The following C16orf74 variants were observed in gnomAD, a reference collection of about 807,000 sequenced individuals.
The protein encoded by C16orf74 is uncharacterized protein C16orf74.
Under a neutral mutation model 6.5 loss-of-function variants are expected in C16orf74, and 10 were observed. The observed-to-expected ratio is 1.54, with a 90% CI of 0.95 to 2.61. The LOEUF (loss-of-function observed/expected upper bound fraction) is 2.61, where lower values mean the gene tolerates loss of function less well. Among genes scored for constraint, C16orf74 ranks in the 30% most tolerant of loss-of-function variants. The pLI, the probability that C16orf74 is intolerant of heterozygous loss-of-function variation, is 0.00. For missense variants in C16orf74, 141 were observed against 105.9 expected, an observed-to-expected ratio of 1.33 and a Z score of -1.45; for synonymous variants, 60 against 42.5, an observed-to-expected ratio of 1.41 and a Z score of -1.60.
intron 2 of C16orf74, among the ~76,000 whole-genome samples, chr16:85,724,366 G>A (rs1334285549): frequency 6.6e-6 from 1 of 152,190 alleles, no homozygotes; most frequent in Non-Finnish European, 1.5e-5. Flanking sequence ...AAACTGCAGG[G>A]AACGAGGGGG....
At chr16:85,737,077 A>G (rs573763317) in intron 1 of C16orf74, among the ~76,000 whole-genome samples, 2 of 152,270 alleles carry the variant, frequency 1.3e-5, no homozygotes, top group East Asian at 3.9e-4. Flanking sequence ...GGTGAGGCAC[A>G]TAACAGTCTC....
chr16:85,715,532 T>C (rs1314854337), intron 2 of C16orf74, among the ~76,000 whole-genome samples: 3 of 152,076 alleles, frequency 2.0e-5, no homozygotes, highest in Non-Finnish European at 4.4e-5. Flanking sequence ...GCTGGCAAAC[T>C]TTCTGCAAGG....
intron 1 of C16orf74, among the ~76,000 whole-genome samples, chr16:85,750,484 C>G (rs1034797938): frequency 6.6e-6 from 1 of 152,212 alleles, no homozygotes; most frequent in Non-Finnish European, 1.5e-5. Flanking sequence ...TGAGGCAGTT[C>G]ATAAATAATA....
chr16:85,716,707 A>G, intron 2 of C16orf74, among the ~76,000 whole-genome samples: 1 of 139,322 alleles, frequency 7.2e-6, no homozygotes, highest in Non-Finnish European at 1.5e-5. Context: ...GGAGGAAGGG[A>G]GGGAGAGGGG....
At chr16:85,708,338 C>G (rs11864007) in intron 3 of C16orf74, among the ~76,000 whole-genome samples, 4,688 of 152,268 alleles carry the variant, frequency 0.031, 252 homozygotes, top group African/African-American at 0.11. Flanking sequence ...CCTATGCCCC[C>G]ACTGGTCCTG....
intron 1 of C16orf74, among the ~76,000 whole-genome samples, chr16:85,738,092 A>C (rs902722819): frequency 6.6e-6 from 1 of 151,790 alleles, no homozygotes; most frequent in Non-Finnish European, 1.5e-5. Flanking sequence ...ACATTTTTAA[A>C]AAATTAGTCA....
intron 2 of C16orf74, among the ~76,000 whole-genome samples, chr16:85,719,790 GCC>G (rs2054061547): frequency 1.3e-5 from 2 of 150,858 alleles, no homozygotes. Flanking sequence ...GAACAGAGGG[GCC>G]ACAGGCCACA....
At chr16:85,724,128 G>A (rs2054109740) in intron 2 of C16orf74, among the ~76,000 whole-genome samples, 2 of 152,136 alleles carry the variant, frequency 1.3e-5, no homozygotes, top group Non-Finnish European at 2.9e-5. Flanking sequence ...CTGGTCTCAA[G>A]CAATCCTCCT....
intron 2 of C16orf74, among the ~76,000 whole-genome samples, chr16:85,722,027 G>A (rs1038595348): frequency 2.0e-5 from 2 of 97,886 alleles, no homozygotes; most frequent in South Asian, 3.6e-4. Flanking sequence ...GTCTTGCTAT[G>A]TTGCCAGGTG....
intron 2 of C16orf74, among the ~76,000 whole-genome samples, chr16:85,725,346 G>A (rs1255011415): frequency 6.6e-6 from 1 of 152,178 alleles, no homozygotes; most frequent in African/African-American, 2.4e-5. Flanking sequence ...TTGTTAACTT[G>A]GGCAGCCAGT....
intron 2 of C16orf74, among the ~76,000 whole-genome samples, chr16:85,716,005 G>A (rs571166663): frequency 2.1e-5 from 3 of 143,884 alleles, no homozygotes; most frequent in Admixed American, 2.0e-4. Context: ...AAAAGGAATC[G>A]CTGATGATCG....
At chr16:85,745,753 A>G (rs2054366729) in intron 1 of C16orf74, among the ~76,000 whole-genome samples, 1 of 140,654 alleles carries the variant, frequency 7.1e-6, no homozygotes, top group South Asian at 2.3e-4. Flanking sequence ...CTCACTGCCT[A>G]CCAGAGACAG....
intron 1 of C16orf74, chr16:85,741,792 GTCC>G (rs2054311554): frequency 6.0e-6 from 1 of 166,394 alleles, no homozygotes; most frequent in South Asian, 2.1e-4. Flanking sequence ...CAGGTTCTGT[GTCC>G]TCCTCTGCCA....
intron 2 of C16orf74, among the ~76,000 whole-genome samples, chr16:85,715,891 G>A (rs1469101038): frequency 2.0e-5 from 3 of 152,178 alleles, no homozygotes; most frequent in Non-Finnish European, 4.4e-5. Flanking sequence ...GAAGGGCTGC[G>A]TGTGAGGACA....
At chr16:85,722,221 T>G (rs1244986324) in intron 2 of C16orf74, among the ~76,000 whole-genome samples, 2 of 152,244 alleles carry the variant, frequency 1.3e-5, no homozygotes, top group East Asian at 3.9e-4. Flanking sequence ...GTCATAAGGA[T>G]GCATGGTACT....
At chr16:85,713,685 C>G (rs2152058142) in intron 2 of C16orf74, among the ~76,000 whole-genome samples, 1 of 152,368 alleles carries the variant, frequency 6.6e-6, no homozygotes, top group Middle Eastern at 3.4e-3. Context: ...CCAAGAAGGT[C>G]ACATTCTGAG....
intron 2 of C16orf74, among the ~76,000 whole-genome samples, chr16:85,711,315 T>TAAAAAAAAAA (rs34082214): frequency 8.1e-6 from 1 of 123,976 alleles, no homozygotes. Context: ...GACTCCATCT[T>TAAAAAAAAAA]AAAAAAAAAA....
intron 2 of C16orf74, among the ~76,000 whole-genome samples, chr16:85,714,137 G>C (rs767739212): frequency 3.9e-5 from 6 of 152,096 alleles, no homozygotes; most frequent in Non-Finnish European, 8.8e-5. Flanking sequence ...ACAGACAAGC[G>C]CAAGGTGGTA....
At chr16:85,712,461 G>A (rs1006304779) in intron 2 of C16orf74, among the ~76,000 whole-genome samples, 1 of 152,228 alleles carries the variant, frequency 6.6e-6, no homozygotes, top group Non-Finnish European at 1.5e-5. Context: ...CCGGCTGTGG[G>A]GAAATCACAG....
Sources: allele counts gnomAD v4.1 joint callset (sites outside exome capture counted in the v4.1 genomes callset), GRCh38; gene constraint gnomAD v4.1.1; transcripts MANE v1.5; gene names NCBI Gene and HGNC (gene_info 2026-07-23, HGNC 2026-07-21).